The following NMD3 variants were observed in gnomAD, a reference collection of about 807,000 sequenced individuals.
The protein encoded by NMD3 is NMD3 ribosome export adaptor, also known as 60S ribosomal export protein NMD3.
A neutral mutation model predicts 73.1 loss-of-function variants in NMD3; 47 were observed. The observed-to-expected ratio is 0.64, with a 90% CI of 0.51 to 0.82. NMD3 has a LOEUF of 0.82. NMD3 is among the 40% of genes least tolerant of loss of function. NMD3 has a pLI of 0.00. For missense variants in NMD3, 554 were observed against 612.5 expected (o/e 0.90, Z 1.01); for synonymous variants, 210 against 194.5 (o/e 1.08, Z -0.66).
intron 1 of NMD3, 43 bp downstream of exon 1, chr3:161,221,452 C>A (rs1337978167): frequency 6.6e-6 from 1 of 152,346 alleles, no homozygotes; most frequent in Non-Finnish European, 1.5e-5. Context: ...GCCGCGGGCC[C>A]CTGAGTAGCG....
At chr3:161,235,268 C>T (rs1576849196) in intron 7 of NMD3, 56 bp downstream of exon 7, 3 of 797,814 alleles carry the variant, frequency 3.8e-6, no homozygotes, top group East Asian at 5.1e-5. Context: ...TTCAACATAC[C>T]TAAGTAATCT....
At chr3:161,233,151 A>G (rs776863274) in intron 4 of NMD3, among the ~76,000 whole-genome samples, 1 of 149,616 alleles carries the variant, frequency 6.7e-6, no homozygotes. Flanking sequence ...TTTTTTTCCT[A>G]TGCAAATACT....
At chr3:161,235,819 G>A (rs925866364) in intron 7 of NMD3, among the ~76,000 whole-genome samples, 2 of 151,930 alleles carry the variant, frequency 1.3e-5, no homozygotes, top group African/African-American at 4.8e-5. Flanking sequence ...GTATAAAATT[G>A]AACAAATAAA....
At chr3:161,228,056 A>C (rs1736392620) in intron 4 of NMD3, among the ~76,000 whole-genome samples, 2 of 148,906 alleles carry the variant, frequency 1.3e-5, no homozygotes, top group South Asian at 2.2e-4. Context: ...TCAGTGCATA[A>C]ATGTATTAAA....
rs762673569 is a variant in NMD3 at position 161,241,107 on chromosome 3, G to C, written c.815G>C (p.Cys272Ser). ...AQSLGNMNQI[C>S]VCIRVTSAIH... is the part of the protein sequence containing the mutation. ...AGCCTGGGAAATATGAACCAGATTT[G>C]TGTGTGTATTCGAGTAACCAGTGCC... The change falls in exon 10 of 16, where the codon TGT (cysteine) becomes TCT (serine). Residue 272 changes from cysteine to serine, a missense_variant. Transcript: ENST00000351193. 4 of 1,613,302 alleles carry C rather than the reference G, an allele frequency of 2.5e-6. No individual in the cohort carries two copies. In the African/African-American group the frequency reaches 4.0e-5, roughly 16 times the overall value.
At chr3:161,240,635 C>G (rs1736935594) in intron 9 of NMD3, among the ~76,000 whole-genome samples, 1 of 149,032 alleles carries the variant, frequency 6.7e-6, no homozygotes, top group Admixed American at 6.8e-5. Flanking sequence ...GGCTGTCATT[C>G]CACCTCAGCC....
In NMD3 at chr3:161,243,055, ATGT is replaced by A. The variant is rs1252037510; in HGVS notation, c.1017+407_1017+409del. On this transcript the variant is annotated intron_variant, in intron 11 of 15. Coordinates refer to ENST00000351193, the MANE Select transcript of NMD3 (RefSeq NM_015938.5). The stretch of plus-strand genomic sequence containing the variant: ...AGGAATATTTTTCTACATAATGAAA[ATGT>A]TGTTACCATACCTATAAAACATACA... Among the ~76,000 whole-genome samples the A allele has an allele frequency of 2.0e-5, 3 of 152,114 alleles. No individual in the cohort carries two copies. In the East Asian group the frequency reaches 5.8e-4, roughly 29 times the overall value.
chr3:161,229,745 G>C (rs1024795126), intron 4 of NMD3, among the ~76,000 whole-genome samples: 22 of 152,150 alleles, frequency 1.4e-4, no homozygotes, highest in African/African-American at 4.3e-4. Context: ...GAAATAATTG[G>C]GTAATGAGGA....
intron 14 of NMD3, among the ~76,000 whole-genome samples, chr3:161,249,892 A>G (rs369674203): frequency 6.6e-6 from 1 of 152,238 alleles, no homozygotes; most frequent in East Asian, 1.9e-4. Flanking sequence ...TGAGCATCAT[A>G]GAATATGTGG....
chr3:161,230,083 G>T (rs1176594642), intron 4 of NMD3, among the ~76,000 whole-genome samples: 1 of 151,984 alleles, frequency 6.6e-6, no homozygotes, highest in Non-Finnish European at 1.5e-5. Context: ...GTTGGGGAAG[G>T]GACACTTGTC....
intron 3 of NMD3, 93 bp from the exon 4 acceptor site, chr3:161,227,154 G>T: frequency 2.9e-6 from 2 of 695,264 alleles, no homozygotes; most frequent in Non-Finnish European, 4.9e-6. Context: ...TATTATGCCT[G>T]GTTAATAATT....
chr3:161,240,979 T>C (rs1736952605), intron 9 of NMD3, 67 bp from the exon 10 acceptor site: 6 of 900,288 alleles, frequency 6.7e-6, no homozygotes, highest in Non-Finnish European at 1.1e-5. Flanking sequence ...TGGGTGTTTA[T>C]TGATGAGTGT....
intron 14 of NMD3, chr3:161,249,821 A>C: frequency 2.1e-6 from 1 of 481,138 alleles, no homozygotes; most frequent in Non-Finnish European, 3.7e-6. Context: ...AAATATAATC[A>C]TACTTTGCTT....
rs1247359415 is a variant in NMD3, at chr3:161,250,860, C to T, written c.1462C>T (p.His488Tyr). ...TCTGGCTGAGATGCTTGAAGACCTT[C>T]ATATTTCCCAAGATGCCACTGGTGA... ...ISLAEMLEDL[H>Y]ISQDATGEEG... is the part of the protein sequence containing the mutation. Residue 488 changes from histidine (H) to tyrosine (Y), a missense_variant, in exon 16 of 16, where the codon CAT (histidine) becomes TAT (tyrosine). By Grantham distance (83) the His-to-Tyr change is moderately conservative. Transcript: ENST00000351193. 1.2e-6 allele frequency: 2 copies of T among 1,612,702 alleles called. No individual in the cohort carries two copies. Among genetic ancestry groups the T allele is most frequent in the Non-Finnish European group, 1.7e-6 (2 of 1,178,890 alleles).
intron 2 of NMD3, 56 bp downstream of exon 2, chr3:161,222,113 G>A: frequency 1.4e-6 from 2 of 1,426,422 alleles, no homozygotes; most frequent in Non-Finnish European, 2.0e-6. Context: ...AGTGAGCCCG[G>A]GAAACTCACT....
chr3:161,242,326 T>C (rs1253144657), intron 10 of NMD3, among the ~76,000 whole-genome samples, 182 bp from the exon 11 acceptor site: 1 of 152,230 alleles, frequency 6.6e-6, no homozygotes, highest in African/African-American at 2.4e-5. Context: ...ATTTTTCTTG[T>C]GCTTTGAGAA....
intron 2 of NMD3, 106 bp downstream of exon 2, chr3:161,222,163 T>C: frequency 1.2e-6 from 1 of 852,500 alleles, no homozygotes; most frequent in South Asian, 1.4e-5. Context: ...GAGCGTATAT[T>C]GTCATAAATG....
chr3:161,224,233 T>G (rs978007234), intron 2 of NMD3, among the ~76,000 whole-genome samples: 6 of 152,186 alleles, frequency 3.9e-5, no homozygotes, highest in African/African-American at 1.4e-4. Flanking sequence ...AAAAATAAAT[T>G]GAGTTTCTCA....
intron 13 of NMD3, among the ~76,000 whole-genome samples, chr3:161,248,189 G>T (rs926959077): frequency 6.6e-6 from 1 of 151,878 alleles, no homozygotes; most frequent in Admixed American, 6.6e-5. Context: ...GATATTATCT[G>T]TAGAGCAAAA....
Sources: allele counts gnomAD v4.1 joint callset (sites outside exome capture counted in the v4.1 genomes callset), GRCh38; gene constraint gnomAD v4.1.1; transcripts MANE v1.5; gene names NCBI Gene and HGNC (gene_info 2026-07-23, HGNC 2026-07-21).